Variants in CCDC73 observed in about 807,000 individuals in gnomAD.
CCDC73 encodes coiled-coil domain containing 73, also known as coiled-coil domain-containing protein 73.
A neutral mutation model predicts 116.5 loss-of-function variants in CCDC73; 95 were observed. The ratio of observed to expected loss-of-function variants is 0.82; its 90% CI spans 0.69 to 0.97. The LOEUF is 0.97. Among genes scored for constraint, CCDC73 ranks in the 50% least tolerant of loss-of-function variants. CCDC73 has a pLI of 0.00. For synonymous variants in CCDC73, 398 were observed against 401.3 expected (o/e 0.99, Z 0.10); for missense variants, 1,066 against 1,206.8 (o/e 0.88, Z 1.73).
intron 2 of CCDC73, among the ~76,000 whole-genome samples, chr11:32,754,878 C>CATT (rs1330391640): frequency 3.5e-5 from 3 of 86,566 alleles, no homozygotes; most frequent in African/African-American, 1.2e-4. Flanking sequence ...ATGGCTTCAA[C>CATT]TTTTTTTTTT....
At chr11:32,703,747 T>C (rs1208258491) in intron 3 of CCDC73, among the ~76,000 whole-genome samples, 1 of 151,264 alleles carries the variant, frequency 6.6e-6, no homozygotes, top group Non-Finnish European at 1.5e-5. Context: ...TGGAAAAAAA[T>C]CTACATATGA....
chr11:32,618,377 T>G (rs931530295), intron 14 of CCDC73, among the ~76,000 whole-genome samples: 2 of 152,184 alleles, frequency 1.3e-5, no homozygotes, highest in Non-Finnish European at 2.9e-5. Context: ...CGATTTATTT[T>G]CTTTTGGCTA....
At chr11:32,672,265 C>T (rs1042249735) in intron 9 of CCDC73, among the ~76,000 whole-genome samples, 2 of 152,126 alleles carry the variant, frequency 1.3e-5, no homozygotes, top group Admixed American at 6.5e-5. Flanking sequence ...TGGCTTGAAC[C>T]CAGGAGGCAG....
At chr11:32,787,569 G>A (rs1850639191) in intron 1 of CCDC73, among the ~76,000 whole-genome samples, 1 of 152,022 alleles carries the variant, frequency 6.6e-6, no homozygotes, top group African/African-American at 2.4e-5. Context: ...ACATAAGTTG[G>A]TTTCATCATA....
At chr11:32,636,726 T>C (rs1855681851) in intron 13 of CCDC73, among the ~76,000 whole-genome samples, 1 of 151,968 alleles carries the variant, frequency 6.6e-6, no homozygotes, top group African/African-American at 2.4e-5. Context: ...TAGAGGCCAG[T>C]AGGTGTAAAC....
At chr11:32,655,659 T>C (rs1252111827) in intron 9 of CCDC73, among the ~76,000 whole-genome samples, 1 of 152,206 alleles carries the variant, frequency 6.6e-6, no homozygotes, top group East Asian at 1.9e-4. Context: ...GATTCAAGTA[T>C]TGAGAAGGAC....
intron 9 of CCDC73, among the ~76,000 whole-genome samples, chr11:32,667,317 C>T (rs564281282): frequency 7.2e-5 from 11 of 152,340 alleles, no homozygotes; most frequent in South Asian, 2.1e-4. Flanking sequence ...CCACCCAGTT[C>T]GAGCTTCCTG....
At chr11:32,829,064 A>G in the CCDC73 span, among the ~76,000 whole-genome samples, 1 of 152,236 alleles carries the variant, frequency 6.6e-6, no homozygotes, top group Non-Finnish European at 1.5e-5. Flanking sequence ...TCTTGAGCCC[A>G]GGAGTTCCTG....
Position 32,613,416 on chromosome 11 carries a change from T to C in CCDC73, c.2896+6A>G, listed in dbSNP as rs777456429. 28 of 1,584,054 alleles carry C rather than the reference T, an allele frequency of 1.8e-5. No individual in the cohort carries two copies. The highest frequency in any genetic ancestry group is 2.2e-5 in the Non-Finnish European group (26 of 1,162,762). On this transcript the variant is annotated splice_donor_region_variant and intron_variant, in intron 16 of 17. Coordinates refer to ENST00000335185, the MANE Select transcript of CCDC73 (RefSeq NM_001008391.4). The stretch of plus-strand genomic sequence containing the variant: ...TGAGAATTAAAACATTACTTTGTTT[T>C]CTTACCTGGTCCAATATCCTTTCCA...
intron 9 of CCDC73, among the ~76,000 whole-genome samples, chr11:32,658,665 G>A (rs558761083): frequency 6.6e-6 from 1 of 152,156 alleles, no homozygotes; most frequent in East Asian, 1.9e-4. Flanking sequence ...CAAAAAGAAT[G>A]AATAAAAACT....
At chr11:32,682,896 G>A (rs375165373) in intron 7 of CCDC73, 1 of 153,344 alleles carries the variant, frequency 6.5e-6, no homozygotes, top group African/African-American at 2.4e-5. Flanking sequence ...ACTGATAAGG[G>A]ATAAATATTA....
At chr11:32,622,276 T>C (rs1462811341) in intron 14 of CCDC73, among the ~76,000 whole-genome samples, 6 of 152,110 alleles carry the variant, frequency 3.9e-5, no homozygotes, top group Non-Finnish European at 8.8e-5. Flanking sequence ...CCATCAATGA[T>C]AGACCGGATA....
At chr11:32,607,870 T>A (rs1409405890) in intron 17 of CCDC73, among the ~76,000 whole-genome samples, 1 of 152,170 alleles carries the variant, frequency 6.6e-6, no homozygotes, top group Non-Finnish European at 1.5e-5. Context: ...GGCCTCATAA[T>A]CATGGCAGAA....
intron 6 of CCDC73, among the ~76,000 whole-genome samples, chr11:32,698,305 T>C (rs1459537388): frequency 6.6e-6 from 1 of 152,074 alleles, no homozygotes; most frequent in Non-Finnish European, 1.5e-5. Context: ...ATTACAGGCA[T>C]GAGCCACCAC....
intron 9 of CCDC73, among the ~76,000 whole-genome samples, chr11:32,659,434 G>C (rs998284783): frequency 1.3e-5 from 2 of 152,118 alleles, no homozygotes; most frequent in African/African-American, 4.8e-5. Flanking sequence ...CTGAAACAAA[G>C]ACTTTGAGAA....
At chr11:32,650,702 T>A (rs1006982154) in intron 12 of CCDC73, among the ~76,000 whole-genome samples, 1 of 152,100 alleles carries the variant, frequency 6.6e-6, no homozygotes, top group African/African-American at 2.4e-5. Flanking sequence ...CTCCCTCTTC[T>A]ATAGTATTTG....
At chr11:32,623,297 G>A (rs1304529627) in intron 14 of CCDC73, among the ~76,000 whole-genome samples, 2 of 152,158 alleles carry the variant, frequency 1.3e-5, no homozygotes, top group African/African-American at 4.8e-5. Context: ...GAGCCACTAT[G>A]CCTGGCCATA....
At chr11:32,765,464 C>A (rs1850432593) in intron 1 of CCDC73, among the ~76,000 whole-genome samples, 1 of 152,190 alleles carries the variant, frequency 6.6e-6, no homozygotes, top group Admixed American at 6.5e-5. Context: ...CAAACTCACT[C>A]AAAACTGCTC....
At chr11:32,714,471 G>A (rs1341028826) in intron 3 of CCDC73, among the ~76,000 whole-genome samples, 6 of 152,048 alleles carry the variant, frequency 3.9e-5, no homozygotes, top group African/African-American at 1.4e-4. Flanking sequence ...CAAAAGCTCA[G>A]AGGTAATGTC....
Sources: gnomAD v4.1 joint callset for allele counts (sites outside exome capture counted in the v4.1 genomes callset) on GRCh38, gnomAD v4.1.1 for gene constraint, MANE v1.5 for transcripts, NCBI Gene and HGNC (gene_info 2026-07-23, HGNC 2026-07-21) for gene names.